Variants in EZH1 observed in about 807,000 individuals in gnomAD.
EZH1 encodes histone-lysine N-methyltransferase EZH1.
Under a neutral mutation model 100.5 loss-of-function variants are expected in EZH1, and 33 were observed. That is an observed-to-expected ratio of 0.33 (90% CI 0.25 to 0.44). The LOEUF is 0.44. EZH1 is among the 20% of genes least tolerant of loss of function. The probability of loss-of-function intolerance (pLI) is 1.00; values close to 1 mark genes in which losing one functional copy is unlikely to be tolerated. For synonymous variants in EZH1, 272 were observed against 313.8 expected, an observed-to-expected ratio of 0.87 and a Z score of 1.41; for missense variants, 475 against 928.4, an observed-to-expected ratio of 0.51 and a Z score of 6.35.
intron 1 of EZH1, among the ~76,000 whole-genome samples, chr17:42,737,624 CAAACT>C (rs1000010689): frequency 3.3e-5 from 5 of 152,032 alleles, no homozygotes; most frequent in African/African-American, 7.3e-5. Flanking sequence ...CAAAAACAAA[CAAACT>C]ATTCTTTCTT....
chr17:42,744,899 T>A, intron 1 of EZH1, 112 bp downstream of exon 1: 3 of 1,154,498 alleles, frequency 2.6e-6, no homozygotes, highest in Non-Finnish European at 3.4e-6. Context: ...AGTGTGTCCC[T>A]CGGATTCCTT....
At position 42,703,871 on chromosome 17, in the gene EZH1, G is replaced by C. The variant is rs778008890; in HGVS notation, c.2018-51C>G. The C allele has an allele frequency of 3.9e-6, 5 of 1,268,086 alleles. No homozygotes were observed. In the African/African-American group the frequency reaches 7.3e-5, roughly 19 times the overall value. The allele number at this position is 1,268,086 out of a possible 1,614,324, so 78.6% of individuals were successfully genotyped here. A position where few individuals can be genotyped will look rare whatever the true frequency, so the allele number is the denominator to read the frequency against. The stretch of plus-strand genomic sequence containing the variant: ...CATAAGCACAGCAGGCAATTCCACA[G>C]CTTCTCAGCTTGAATTTAAAATCAG... On this transcript the variant is annotated intron_variant, in intron 18 of 20. Coordinates refer to ENST00000428826, the MANE Select transcript of EZH1 (RefSeq NM_001991.5).
chr17:42,702,430 C>A lies in EZH1; in HGVS notation c.*102G>T. 1 of 998,662 alleles carries A rather than the reference C, an allele frequency of 1.0e-6. No individual in the cohort carries two copies. The highest frequency in any genetic ancestry group is 2.4e-5 in the Admixed American group (1 of 42,180). 61.9% of individuals were successfully genotyped at this position (998,662 alleles called of 1,614,324 possible). A position where few individuals can be genotyped will look rare whatever the true frequency, so the allele number is the denominator to read the frequency against. ...AGAGGGAGTGGGTTGGGGGGTTTCT[C>A]AGTGTGGGAGACACAGTGCAGGAGA... On this transcript the variant is annotated 3_prime_UTR_variant, in exon 21 of 21. Coordinates refer to ENST00000428826, the MANE Select transcript of EZH1 (RefSeq NM_001991.5).
rs1003771750 is a variant in EZH1 at position 42,709,671 on chromosome 17, C to T, written c.1493+175G>A. 4.4e-5 allele frequency: 26 copies of T among 585,140 alleles called. No individual in the cohort carries two copies. The African/African-American group carries it at 4.9e-4, about 11-fold the overall frequency. The allele number at this position is 585,140 out of a possible 1,614,324, so 36.2% of individuals were successfully genotyped here. ...ACAAGAAGAGGGCTGATCTAAGGCACAGACCCTCAGGGAGCACTCAGGAGG... is the reference window on the plus strand; with the variant it reads ...ACAAGAAGAGGGCTGATCTAAGGCATAGACCCTCAGGGAGCACTCAGGAGG... On this transcript the variant is annotated intron_variant, in intron 13 of 20. Transcript: ENST00000428826.
At chr17:42,733,417 G>C (rs1056678802) in intron 1 of EZH1, among the ~76,000 whole-genome samples, 55 of 150,816 alleles carry the variant, frequency 3.6e-4, no homozygotes, top group Non-Finnish European at 3.8e-4. Context: ...CGAGGTGGGC[G>C]GATCACGAGG....
At chr17:42,713,037 CA>C (rs10664421) in intron 11 of EZH1, among the ~76,000 whole-genome samples, 171 bp downstream of exon 11, 517 of 83,978 alleles carry the variant, frequency 6.2e-3, no homozygotes, top group Middle Eastern at 0.023. Flanking sequence ...GAGACTGTTT[CA>C]AAAAAAAAAA....
chr17:42,713,898 T>C (rs1239450916), intron 10 of EZH1, among the ~76,000 whole-genome samples: 2 of 152,186 alleles, frequency 1.3e-5, no homozygotes, highest in Non-Finnish European at 2.9e-5. Context: ...AGAAATGAGA[T>C]TCAGAGAGGG....
intron 18 of EZH1, among the ~76,000 whole-genome samples, chr17:42,704,136 T>C (rs1190373364): frequency 6.6e-6 from 1 of 152,206 alleles, no homozygotes; most frequent in Admixed American, 6.5e-5. Context: ...GCAAGGGCAC[T>C]GTGGCCTGTG....
In EZH1 at chr17:42,718,932, A is replaced by T. The variant is rs1649076295; in HGVS notation, c.767+173T>A. Among the ~76,000 whole-genome samples, 1 of 152,210 alleles carries T rather than the reference A, an allele frequency of 6.6e-6. No individual in the cohort carries two copies. The highest frequency in any genetic ancestry group is 2.4e-5 in the African/African-American group (1 of 41,456). ...AAAAGCCAGTATACGATGACCCTTA[A>T]TATAGTAAGGGGGGCATTTAGAGGT... On this transcript the variant is annotated intron_variant, in intron 8 of 20. Transcript: ENST00000428826. This position sits in a 1 kb window ranked among gnomAD's most constrained non-coding sequence, Gnocchi z 4.2.
At chr17:42,740,708 C>T (rs1444701160) in intron 1 of EZH1, among the ~76,000 whole-genome samples, 1 of 152,218 alleles carries the variant, frequency 6.6e-6, no homozygotes, top group Non-Finnish European at 1.5e-5. Context: ...CCTATCTTGA[C>T]TGGTTCTGTA....
chr17:42,744,048 A>AG (rs2054230160), intron 1 of EZH1, among the ~76,000 whole-genome samples: 1 of 151,882 alleles, frequency 6.6e-6, no homozygotes, highest in Admixed American at 6.6e-5. Context: ...AGTGTACCTG[A>AG]GCTCCTTTGC....
At chr17:42,719,316 T>G in intron 7 of EZH1, 109 bp from the exon 8 acceptor site, 1 of 810,202 alleles carries the variant, frequency 1.2e-6, no homozygotes, top group South Asian at 1.5e-5. Context: ...AGCTGCTTTG[T>G]TAACCTAACC....
chr17:42,710,625 G>GT (rs1347789208), intron 12 of EZH1, among the ~76,000 whole-genome samples: 1,722 of 121,136 alleles, frequency 0.014, 52 homozygotes, highest in East Asian at 0.053. Context: ...TTCTGTTTTT[G>GT]TTTGTTTTTT....
At position 42,703,733 on chromosome 17, in the gene EZH1, G is replaced by A. The variant is rs375659769; in HGVS notation, c.2098+7C>T. On this transcript the variant is annotated splice_region_variant and intron_variant, in intron 19 of 20. Coordinates refer to ENST00000428826, the MANE Select transcript of EZH1 (RefSeq NM_001991.5). The stretch of plus-strand genomic sequence containing the variant: ...CCCACCCCACCTCCCAGGTTACTGG[G>A]ACTCACCTTTGGCATAACAGTTGGG... 2.5e-6 allele frequency: 4 copies of A among 1,611,496 alleles called. No individual in the cohort carries two copies. Among genetic ancestry groups the A allele is most frequent in the Non-Finnish European group, 3.4e-6 (4 of 1,177,644 alleles).
intron 7 of EZH1, among the ~76,000 whole-genome samples, chr17:42,719,443 A>G (rs141252465): frequency 1.3e-5 from 2 of 152,336 alleles, no homozygotes; most frequent in Admixed American, 6.5e-5. Flanking sequence ...CACAGTCCCA[A>G]TTAGAATCTG....
chr17:42,718,543 T>C lies in EZH1; in HGVS notation c.842A>G (p.Asn281Ser), dbSNP rs772397566. 32 of 1,613,982 alleles carry C rather than the reference T, an allele frequency of 2.0e-5. 1 individual carries two copies. Among genetic ancestry groups the C allele is most frequent in the South Asian group, 1.6e-4 (15 of 91,074 alleles). ...PQCTPNIDGP[N>S]AKSVQREQSL... ...TTGCTCCCGCTGCACAGACTTGGCA[T>C]TGGGGCCATCGATGTTGGGTGTGCA... is the stretch of plus-strand genomic sequence containing the variant. Residue 281 changes from asparagine (N) to serine (S), a missense_variant, in exon 9 of 21, where the codon AAT becomes AGT. This residue lies in a region of EZH1 where 180 missense variants were observed against 295.3 expected (regional missense o/e 0.61). Transcript: ENST00000428826. The surrounding 1 kb of genome is among the most constrained non-coding windows in gnomAD (Gnocchi z 4.2).
chr17:42,729,121 TAA>T, intron 2 of EZH1, 169 bp from the exon 3 acceptor site: 1 of 631,346 alleles, frequency 1.6e-6, no homozygotes, highest in Non-Finnish European at 2.5e-6. Context: ...AGTTTCAATT[TAA>T]AAAAAAGAGG....
chr17:42,729,030 G>T, intron 2 of EZH1, 78 bp from the exon 3 acceptor site: 1 of 1,089,804 alleles, frequency 9.2e-7, no homozygotes. Flanking sequence ...AAAAAAAAAA[G>T]ATCAATTATG....
chr17:42,732,917 G>A (rs1012288589), intron 1 of EZH1, among the ~76,000 whole-genome samples: 2 of 151,000 alleles, frequency 1.3e-5, no homozygotes, highest in African/African-American at 2.4e-5. Context: ...GCACCACTGC[G>A]CTCCAGCCTG....
Sources: gnomAD v4.1 joint callset for allele counts (sites outside exome capture counted in the v4.1 genomes callset) on GRCh38, gnomAD v4.1.1 for gene constraint, gnomAD v4.1.1 regional missense constraint, Gnocchi (gnomAD v3.1) non-coding constraint, MANE v1.5 for transcripts, NCBI Gene and HGNC (gene_info 2026-07-23, HGNC 2026-07-21) for gene names.